TMEM200A: variants seen among roughly 807,000 people sequenced by gnomAD.
TMEM200A encodes two transmembrane C.
A neutral mutation model predicts 24.3 loss-of-function variants in TMEM200A; 12 were observed. The ratio of observed to expected loss-of-function variants is 0.49; its 90% CI spans 0.32 to 0.80. The LOEUF (loss-of-function observed/expected upper bound fraction) is 0.80. Ranked by LOEUF, TMEM200A falls within the 30% of genes least tolerant of loss-of-function variation. The pLI, the probability that TMEM200A is intolerant of heterozygous loss-of-function variation, is 0.04. For synonymous variants in TMEM200A, 224 were observed against 224.4 expected, an observed-to-expected ratio of 1.00 and a Z score of 0.02; for missense variants, 545 against 614.4, an observed-to-expected ratio of 0.89 and a Z score of 1.19.
chr6:130,379,415 T>A (rs1285320850), intron 1 of TMEM200A, among the ~76,000 whole-genome samples: 1 of 152,138 alleles, frequency 6.6e-6, no homozygotes, highest in Non-Finnish European at 1.5e-5. Flanking sequence ...GGAACAGGAA[T>A]TTATGCTGAA....
At chr6:130,389,069 C>G (rs548705427) in intron 2 of TMEM200A, among the ~76,000 whole-genome samples, 1 of 152,106 alleles carries the variant, frequency 6.6e-6, no homozygotes, top group African/African-American at 2.4e-5. Flanking sequence ...AAGATATTGT[C>G]TTTGACTCTC....
chr6:130,418,543 G>A (rs117640950), intron 2 of TMEM200A, among the ~76,000 whole-genome samples: 2,779 of 152,142 alleles, frequency 0.018, 22 homozygotes, highest in Non-Finnish European at 0.027. Context: ...CCCACTTTAC[G>A]AATAAAAACC....
intron 1 of TMEM200A, among the ~76,000 whole-genome samples, chr6:130,376,965 A>C (rs1004466898): frequency 9.9e-5 from 15 of 152,220 alleles, no homozygotes; most frequent in African/African-American, 2.4e-4. Flanking sequence ...AATAACACAA[A>C]ATTAATGATG....
intron 2 of TMEM200A, among the ~76,000 whole-genome samples, chr6:130,405,758 C>T (rs1779189936): frequency 6.6e-6 from 1 of 152,168 alleles, no homozygotes. Context: ...GTGTCCTCTC[C>T]CTATGCTGGT....
At chr6:130,391,386 T>A (rs1778827809) in intron 2 of TMEM200A, among the ~76,000 whole-genome samples, 1 of 152,156 alleles carries the variant, frequency 6.6e-6, no homozygotes, top group Admixed American at 6.5e-5. Flanking sequence ...CTCTTGCCTA[T>A]GCCCCATCAT....
At chr6:130,430,291 C>T (rs753385814) in intron 2 of TMEM200A, among the ~76,000 whole-genome samples, 11 of 152,032 alleles carry the variant, frequency 7.2e-5, no homozygotes, top group Non-Finnish European at 1.3e-4. Flanking sequence ...ACTCTACCCT[C>T]AGGATCTAAT....
intron 2 of TMEM200A, among the ~76,000 whole-genome samples, chr6:130,401,947 G>A (rs1211608178): frequency 6.6e-6 from 1 of 151,542 alleles, no homozygotes; most frequent in Non-Finnish European, 1.5e-5. Flanking sequence ...CTCTTTATAT[G>A]GTAGGGACAG....
At chr6:130,429,836 C>T (rs1779833243) in intron 2 of TMEM200A, among the ~76,000 whole-genome samples, 1 of 152,116 alleles carries the variant, frequency 6.6e-6, no homozygotes, top group South Asian at 2.1e-4. Context: ...ACATGCTTCT[C>T]ACACATATTA....
At chr6:130,389,078 T>C (rs1675351859) in intron 2 of TMEM200A, among the ~76,000 whole-genome samples, 1 of 152,204 alleles carries the variant, frequency 6.6e-6, no homozygotes, top group Admixed American at 6.6e-5. Flanking sequence ...TCTTTGACTC[T>C]CAACAAAGTA....
At chr6:130,412,259 T>C (rs1779349694) in intron 2 of TMEM200A, among the ~76,000 whole-genome samples, 1 of 152,018 alleles carries the variant, frequency 6.6e-6, no homozygotes, top group Non-Finnish European at 1.5e-5. Context: ...GGTGTGCTTA[T>C]TGCTATCTGG....
chr6:130,395,896 G>A (rs1337684965), intron 2 of TMEM200A, among the ~76,000 whole-genome samples: 1 of 152,124 alleles, frequency 6.6e-6, no homozygotes, highest in African/African-American at 2.4e-5. Flanking sequence ...TTCTAAAGAG[G>A]GCTTGGCTAT....
intron 2 of TMEM200A, among the ~76,000 whole-genome samples, chr6:130,390,305 C>A (rs1778805629): frequency 1.3e-5 from 2 of 152,182 alleles, no homozygotes; most frequent in South Asian, 4.1e-4. Context: ...TAGAAGCATT[C>A]CGAAGTTGTA....
chr6:130,405,476 C>T (rs933420862), intron 2 of TMEM200A, among the ~76,000 whole-genome samples: 83 of 152,136 alleles, frequency 5.5e-4, no homozygotes, highest in African/African-American at 1.9e-3. Context: ...CACTTAAATT[C>T]GACTACTGCA....
At chr6:130,413,532 G>A (rs1003865604) in intron 2 of TMEM200A, among the ~76,000 whole-genome samples, 1 of 152,060 alleles carries the variant, frequency 6.6e-6, no homozygotes, top group Non-Finnish European at 1.5e-5. Context: ...CTAGAGATCT[G>A]GAAATTCCCT....
intron 2 of TMEM200A, among the ~76,000 whole-genome samples, chr6:130,401,395 T>TTCTTTCTTTTTCTTTCTTTC (rs1441914357): frequency 2.7e-4 from 22 of 82,228 alleles, no homozygotes; most frequent in Non-Finnish European, 2.9e-4. Context: ...GCTTGCTTCT[T>TTCTTTCTTTTTCTTTCTTTC]TCTTTCTTTT....
intron 2 of TMEM200A, among the ~76,000 whole-genome samples, chr6:130,403,382 AATT>A (rs1779130827): frequency 6.6e-6 from 1 of 152,036 alleles, no homozygotes; most frequent in Admixed American, 6.6e-5. Flanking sequence ...AATTCTTCTT[AATT>A]ATTATTATTT....
intron 1 of TMEM200A, chr6:130,382,958 G>T: frequency 1.1e-6 from 1 of 923,954 alleles, no homozygotes; most frequent in African/African-American, 1.8e-5. Context: ...CACCTGCTTT[G>T]CCTCCCTAGT....
At chr6:130,431,863 C>A (rs907917844) in intron 2 of TMEM200A, among the ~76,000 whole-genome samples, 2 of 152,054 alleles carry the variant, frequency 1.3e-5, no homozygotes, top group African/African-American at 4.8e-5. Context: ...CTATTCCTAG[C>A]GTTTTCTGCA....
chr6:130,413,191 G>A (rs1167677141), intron 2 of TMEM200A, among the ~76,000 whole-genome samples: 1 of 152,180 alleles, frequency 6.6e-6, no homozygotes. Flanking sequence ...ATAATCCCAA[G>A]TTTGTATTCT....
Sources: allele counts gnomAD v4.1 joint callset (sites outside exome capture counted in the v4.1 genomes callset), GRCh38; gene constraint gnomAD v4.1.1; transcripts MANE v1.5; gene names NCBI Gene and HGNC (gene_info 2026-07-23, HGNC 2026-07-21).